PCSK5: variants seen among roughly 807,000 people sequenced by gnomAD.
PCSK5 encodes the protein prohormone convertase 5.
In PCSK5, 129 loss-of-function variants were observed where a neutral mutation model predicts 233.2. The ratio of observed to expected loss-of-function variants is 0.55; its 90% confidence interval spans 0.48 to 0.64. The LOEUF (loss-of-function observed/expected upper bound fraction) is 0.64. Among genes scored for constraint, PCSK5 ranks in the 30% least tolerant of loss-of-function variants. The pLI, the probability that PCSK5 is intolerant of heterozygous loss-of-function variation, is 0.00. For synonymous variants in PCSK5, 825 were observed against 879.2 expected (o/e 0.94, Z 1.09); for missense variants, 2,076 against 2,430.1 (o/e 0.85, Z 3.06).
chr9:76,161,356 C>T (rs1822844313), intron 12 of PCSK5, among the ~76,000 whole-genome samples: 1 of 152,082 alleles, frequency 6.6e-6, no homozygotes, highest in Non-Finnish European at 1.5e-5. Flanking sequence ...TTCTTTCCAG[C>T]AAGCAAAACT....
intron 33 of PCSK5, among the ~76,000 whole-genome samples, chr9:76,329,787 C>T (rs981285386): frequency 6.6e-6 from 1 of 151,954 alleles, no homozygotes; most frequent in Admixed American, 6.6e-5. Flanking sequence ...GATCCGAGAT[C>T]GCACCACTAC....
chr9:76,022,279 A>G (rs190954154), intron 3 of PCSK5, among the ~76,000 whole-genome samples: 1 of 152,356 alleles, frequency 6.6e-6, no homozygotes, highest in East Asian at 1.9e-4. Context: ...ATACCCTAGC[A>G]TATAAATTCA....
At chr9:76,196,126 G>C (rs912107887) in intron 20 of PCSK5, among the ~76,000 whole-genome samples, 3 of 152,208 alleles carry the variant, frequency 2.0e-5, no homozygotes, top group Non-Finnish European at 2.9e-5. Context: ...ACCATCTTTA[G>C]AAAGCAAGGC....
At chr9:76,072,671 T>C (rs1356627923) in intron 7 of PCSK5, among the ~76,000 whole-genome samples, 1 of 152,108 alleles carries the variant, frequency 6.6e-6, no homozygotes, top group Non-Finnish European at 1.5e-5. Context: ...TAACCTGCCT[T>C]TTCTTCTCCT....
rs1236708864 is a variant in PCSK5 at position 76,174,966 on chromosome 9, T to C, written c.1757-20T>C. The C allele has an allele frequency of 1.3e-6, 2 of 1,581,542 alleles. No individual in the cohort carries two copies. The highest frequency in any genetic ancestry group is 1.7e-4 in the Middle Eastern group (1 of 5,910). On this transcript the variant is annotated intron_variant, in intron 13 of 37. Transcript: ENST00000674117. Reference sequence around the variant, plus strand: ...GAGGGAAAATTTGGTCATGCTGTGATTTCATTATTATTTCTCAAGGTAAAT... The same window carrying C: ...GAGGGAAAATTTGGTCATGCTGTGACTTCATTATTATTTCTCAAGGTAAAT...
At chr9:75,931,296 G>A (rs1486197502) in intron 1 of PCSK5, among the ~76,000 whole-genome samples, 1 of 129,866 alleles carries the variant, frequency 7.7e-6, no homozygotes, top group South Asian at 2.5e-4. Flanking sequence ...CTTTTGACTT[G>A]TCCCAACTGG....
intron 10 of PCSK5, among the ~76,000 whole-genome samples, chr9:76,155,607 TGATG>T (rs1430598066): frequency 6.6e-6 from 1 of 151,966 alleles, no homozygotes; most frequent in Non-Finnish European, 1.5e-5. Context: ...ATTCAGGAAA[TGATG>T]GATGGATGGA....
chr9:75,897,604 C>T (rs370301931), intron 1 of PCSK5, among the ~76,000 whole-genome samples: 8 of 151,130 alleles, frequency 5.3e-5, no homozygotes, highest in African/African-American at 2.0e-4. Context: ...AGTGATTCTC[C>T]TGCCTCAGCC....
At chr9:75,923,674 T>A (rs1823352413) in intron 1 of PCSK5, among the ~76,000 whole-genome samples, 2 of 152,202 alleles carry the variant, frequency 1.3e-5, no homozygotes, top group African/African-American at 4.8e-5. Flanking sequence ...TGTAACAAAT[T>A]ACTACACAGT....
At chr9:76,059,962 A>AT (rs1335528523) in intron 5 of PCSK5, among the ~76,000 whole-genome samples, 8 of 152,188 alleles carry the variant, frequency 5.3e-5, no homozygotes, top group African/African-American at 1.2e-4. Flanking sequence ...CAGTGCAATC[A>AT]TTTTTTAAGA....
At chr9:76,171,309 C>T (rs1272633370) in intron 13 of PCSK5, among the ~76,000 whole-genome samples, 1 of 152,174 alleles carries the variant, frequency 6.6e-6, no homozygotes, top group Non-Finnish European at 1.5e-5. Context: ...AGCATGGTGA[C>T]TGGGCTGTGA....
At chr9:76,350,190 T>C (rs1230439087) in intron 35 of PCSK5, among the ~76,000 whole-genome samples, 2 of 152,154 alleles carry the variant, frequency 1.3e-5, no homozygotes, top group Non-Finnish European at 2.9e-5. Flanking sequence ...ACCATCACTA[T>C]GTAACCCTGG....
intron 7 of PCSK5, among the ~76,000 whole-genome samples, chr9:76,076,497 T>C (rs533159050): frequency 6.6e-6 from 1 of 152,120 alleles, no homozygotes; most frequent in Non-Finnish European, 1.5e-5. Flanking sequence ...GGCAGCAGCA[T>C]CAAGACCATC....
At chr9:76,221,189 G>T (rs1393951900) in intron 20 of PCSK5, among the ~76,000 whole-genome samples, 1 of 152,194 alleles carries the variant, frequency 6.6e-6, no homozygotes, top group African/African-American at 2.4e-5. Context: ...TAAATTTGGA[G>T]GGTATAATCA....
At chr9:75,944,848 G>A (rs914252701) in intron 2 of PCSK5, among the ~76,000 whole-genome samples, 3 of 152,094 alleles carry the variant, frequency 2.0e-5, no homozygotes, top group Admixed American at 6.6e-5. Flanking sequence ...GGTGGCTCAC[G>A]CCTGTAATCC....
At chr9:75,977,732 C>T (rs1826088956) in intron 2 of PCSK5, among the ~76,000 whole-genome samples, 1 of 151,420 alleles carries the variant, frequency 6.6e-6, no homozygotes, top group Non-Finnish European at 1.5e-5. Flanking sequence ...TGCCTCATCC[C>T]CCCAAGTAGC....
At chr9:76,081,785 G>A (rs1830848525) in intron 7 of PCSK5, among the ~76,000 whole-genome samples, 1 of 151,910 alleles carries the variant, frequency 6.6e-6, no homozygotes, top group South Asian at 2.1e-4. Flanking sequence ...CATTCACCCA[G>A]TCTCCCTTCC....
intron 21 of PCSK5, among the ~76,000 whole-genome samples, chr9:76,233,007 C>T (rs1367867307): frequency 6.6e-6 from 1 of 152,248 alleles, no homozygotes; most frequent in South Asian, 2.1e-4. Context: ...TTTTGTTTCA[C>T]TCGTCAAGAG....
At chr9:76,125,990 T>C (rs1238302410) in intron 9 of PCSK5, among the ~76,000 whole-genome samples, 2 of 152,160 alleles carry the variant, frequency 1.3e-5, no homozygotes, top group Non-Finnish European at 2.9e-5. Context: ...TGTGTACCCC[T>C]CATTATCAGG....
Sources: gnomAD v4.1 joint callset for allele counts (sites outside exome capture counted in the v4.1 genomes callset) on GRCh38, gnomAD v4.1.1 for gene constraint, MANE v1.5 for transcripts, NCBI Gene and HGNC (gene_info 2026-07-23, HGNC 2026-07-21) for gene names.